Variants in RASSF8 observed in about 807,000 individuals in gnomAD.
RASSF8 encodes the protein Ras association domain family member 8, also known as ras association domain-containing protein 8.
Under a neutral mutation model 48.5 loss-of-function variants are expected in RASSF8, and 22 were observed. The observed-to-expected ratio is 0.45, with a 90% CI of 0.32 to 0.65. RASSF8 has a LOEUF of 0.65. Among genes scored for constraint, RASSF8 ranks in the 30% least tolerant of loss-of-function variants. RASSF8 has a pLI of 0.03. For missense variants in RASSF8, 418 were observed against 489.2 expected, an observed-to-expected ratio of 0.85 and a Z score of 1.37; for synonymous variants, 127 against 171.5, an observed-to-expected ratio of 0.74 and a Z score of 2.03.
chr12:26,067,816 A>T, intron 5 of RASSF8, 103 bp downstream of exon 5: 1 of 1,444,108 alleles, frequency 6.9e-7, no homozygotes, highest in South Asian at 1.3e-5. Flanking sequence ...CCAGGCTGGA[A>T]TGCCAGGGGT....
intron 2 of RASSF8, among the ~76,000 whole-genome samples, chr12:26,024,589 G>A (rs1324941023): frequency 6.6e-6 from 1 of 152,200 alleles, no homozygotes; most frequent in Non-Finnish European, 1.5e-5. Context: ...AAATTTAGCA[G>A]TGTATAAAAA....
In RASSF8 at chr12:26,070,787, T is replaced by C; in HGVS notation, c.*1969T>C. On this transcript the variant is annotated 3_prime_UTR_variant, in exon 6 of 6. Transcript: ENST00000689635. ...TTTTATAAATTGATCGCATTTTCTT[T>C]AAGTCAAAATGTTAAACTGGAGGCA... 2 of 982,978 alleles carry C rather than the reference T, an allele frequency of 2.0e-6. No homozygotes were observed. The highest frequency in any genetic ancestry group is 4.7e-5 in the South Asian group (1 of 21,232). The allele number at this position is 982,978 out of a possible 1,614,324, so 60.9% of individuals were successfully genotyped here.
At chr12:26,073,454 G>A (rs151219707), downstream of RASSF8, among the ~76,000 whole-genome samples, 59 of 152,096 alleles carry the variant, frequency 3.9e-4, no homozygotes, top group African/African-American at 1.4e-3. Context: ...TTATACATGA[G>A]GGCCGGGCGC....
intron 3 of RASSF8, among the ~76,000 whole-genome samples, chr12:26,061,789 C>CA (rs1943748835): frequency 6.6e-6 from 1 of 152,018 alleles, no homozygotes; most frequent in Admixed American, 6.6e-5. Context: ...ATTTAAAACC[C>CA]AATTTATATA....
At chr12:25,962,949 A>C (rs1482975764) in intron 1 of RASSF8, among the ~76,000 whole-genome samples, 1 of 152,182 alleles carries the variant, frequency 6.6e-6, no homozygotes, top group South Asian at 2.1e-4. Flanking sequence ...TTTCTGTTGT[A>C]CATAATCCTT....
Position 26,064,721 on chromosome 12 carries a change from A to G in RASSF8, c.327A>G (p.Leu109=). 1.9e-6 allele frequency: 3 copies of G among 1,614,188 alleles called. No individual in the cohort carries two copies. Among genetic ancestry groups the G allele is most frequent in the Non-Finnish European group, 2.5e-6 (3 of 1,180,020 alleles). The part of the protein sequence containing the change: ...RTLYRQSLPP[L]AKLRPQIDKS... ...TATACAGGCAGAGTCTGCCCCCCTT[A>G]GCTAAACTGAGGCCTCAGATTGACA... Residue 109 remains leucine (L), a synonymous_variant, in exon 4 of 6, where the codon TTA becomes TTG. Transcript: ENST00000689635.
chr12:26,034,500 G>T (rs1440912790), intron 2 of RASSF8, among the ~76,000 whole-genome samples: 1 of 151,888 alleles, frequency 6.6e-6, no homozygotes, highest in African/African-American at 2.4e-5. Flanking sequence ...GCAGCCCGCA[G>T]GCCACATGTT....
At chr12:25,987,344 A>AT (rs1047878321) in intron 1 of RASSF8, among the ~76,000 whole-genome samples, 23 of 152,266 alleles carry the variant, frequency 1.5e-4, no homozygotes, top group African/African-American at 5.5e-4. Context: ...TGCCTCTTAG[A>AT]TTTTTTTGAC....
chr12:25,977,426 A>G (rs1001594418), intron 1 of RASSF8, among the ~76,000 whole-genome samples: 6 of 152,248 alleles, frequency 3.9e-5, no homozygotes, highest in East Asian at 3.9e-4. Context: ...TTTTTCTTCT[A>G]TTTAAGGAAC....
rs1241884016 is a variant in RASSF8, at chr12:26,058,512, C to T, written c.103+3066C>T. On this transcript the variant is annotated intron_variant, in intron 3 of 5. Coordinates refer to ENST00000689635, the MANE Select transcript of RASSF8 (RefSeq NM_001394098.1). ...AGTGCGCGTCTTTGCCTCATGGGGG[C>T]ACTACACACATGCGCACGCGCGCGC... Among the ~76,000 whole-genome samples, 4 of 144,892 alleles carry T rather than the reference C, an allele frequency of 2.8e-5. No homozygotes were observed. In the East Asian group the frequency reaches 8.3e-4, roughly 30 times the overall value.
rs749641456 is a variant in RASSF8 at position 26,071,073 on chromosome 12, C to T, written c.*2255C>T. On this transcript the variant is annotated 3_prime_UTR_variant, in exon 6 of 6. Transcript: ENST00000689635. ...TACAGATTTAAAAAAATTTCCTAGG[C>T]GACGAAAGTATAGAAATGTGAATAT... 17 of 980,598 alleles carry T rather than the reference C, an allele frequency of 1.7e-5. No individual in the cohort carries two copies. The South Asian group carries it at 1.9e-4, about 11-fold the overall frequency. 60.7% of individuals were successfully genotyped at this position (980,598 alleles called of 1,614,324 possible).
In RASSF8 at chr12:26,069,289, C is replaced by T. The variant is rs550853989; in HGVS notation, c.*471C>T. On this transcript the variant is annotated 3_prime_UTR_variant, in exon 6 of 6. Transcript: ENST00000689635. ...ATGACCGTGTGCATGTTGCCAGACT[C>T]CATCCATGCATTGCTGATTTACACT... The T allele has an allele frequency of 7.1e-6, 7 of 984,554 alleles. No homozygotes were observed. The East Asian group carries it at 4.5e-4, about 63-fold the overall frequency. The allele number at this position is 984,554 out of a possible 1,614,324, so 61.0% of individuals were successfully genotyped here.
chr12:26,046,634 C>T (rs1237141215), intron 2 of RASSF8, among the ~76,000 whole-genome samples: 5 of 151,762 alleles, frequency 3.3e-5, no homozygotes, highest in African/African-American at 1.2e-4. Context: ...ACCAGAAGTT[C>T]AAGACCAGCT....
chr12:26,004,547 CAATT>C (rs1191299515), intron 2 of RASSF8, among the ~76,000 whole-genome samples: 1 of 152,070 alleles, frequency 6.6e-6, no homozygotes, highest in African/African-American at 2.4e-5. Context: ...CATACACTGT[CAATT>C]AACACATATT....
chr12:25,991,405 G>A (rs1391278875), intron 1 of RASSF8, among the ~76,000 whole-genome samples: 11 of 151,530 alleles, frequency 7.3e-5, no homozygotes, highest in Admixed American at 3.3e-4. Flanking sequence ...GCCTACAGAC[G>A]TAACTTTTTT....
chr12:26,053,339 CT>C (rs1488489913), intron 2 of RASSF8, among the ~76,000 whole-genome samples: 1 of 152,032 alleles, frequency 6.6e-6, no homozygotes, highest in Non-Finnish European at 1.5e-5. Context: ...TTTAATCCAG[CT>C]TTTACAAAAA....
At position 26,065,321 on chromosome 12, in the gene RASSF8, T is replaced by C. The variant is rs751859792; in HGVS notation, c.927T>C (p.Ser309=). The C allele has an allele frequency of 1.2e-6, 2 of 1,613,710 alleles. No homozygotes were observed. The highest frequency in any genetic ancestry group is 1.7e-6 in the Non-Finnish European group (2 of 1,179,934). Reference sequence around the variant, plus strand: ...AGATTGACATTCAAGGCCAGCAGAGTCTGAGGTTGGAAAATGGCATCAAAG... The same window carrying C: ...AGATTGACATTCAAGGCCAGCAGAGCCTGAGGTTGGAAAATGGCATCAAAG... The part of the protein sequence containing the change: ...KGEIDIQGQQ[S]LRLENGIKAV... Residue 309 remains serine (S), a synonymous_variant, in exon 4 of 6, where the codon AGT becomes AGC. Coordinates refer to ENST00000689635, the MANE Select transcript of RASSF8 (RefSeq NM_001394098.1).
chr12:26,000,982 C>CT (rs34793650), intron 2 of RASSF8, among the ~76,000 whole-genome samples: 30,000 of 81,334 alleles, frequency 0.37, 6,215 homozygotes, highest in Non-Finnish European at 0.45. Flanking sequence ...TTAAAATTTC[C>CT]TTTTTTTTTT....
At chr12:26,010,374 A>C (rs1183094728) in intron 2 of RASSF8, among the ~76,000 whole-genome samples, 1 of 152,178 alleles carries the variant, frequency 6.6e-6, no homozygotes, top group Non-Finnish European at 1.5e-5. Flanking sequence ...GATGGCACAG[A>C]GCCTGTAGAA....
Sources: allele counts gnomAD v4.1 joint callset (sites outside exome capture counted in the v4.1 genomes callset), GRCh38; gene constraint gnomAD v4.1.1; transcripts MANE v1.5; gene names NCBI Gene and HGNC (gene_info 2026-07-23, HGNC 2026-07-21).